NBEA: variants seen among roughly 807,000 people sequenced by gnomAD.
The protein encoded by NBEA is neurobeachin, also known as lysosomal-trafficking regulator 2.
In NBEA, 44 loss-of-function variants were observed where a neutral mutation model predicts 343.4. The observed-to-expected ratio is 0.13, with a 90% confidence interval of 0.10 to 0.16. The LOEUF (loss-of-function observed/expected upper bound fraction) is 0.16. Ranked by LOEUF, NBEA falls within the 10% of genes least tolerant of loss-of-function variation. The pLI, the probability that NBEA is intolerant of heterozygous loss-of-function variation, is 1.00. For synonymous variants in NBEA, 1,175 were observed against 1,238.7 expected, an observed-to-expected ratio of 0.95 and a Z score of 1.08; for missense variants, 2,555 against 3,631.3, an observed-to-expected ratio of 0.70 and a Z score of 7.62.
chr13:35,577,310 C>G (rs1190051698), intron 45 of NBEA, among the ~76,000 whole-genome samples: 2 of 152,138 alleles, frequency 1.3e-5, no homozygotes, highest in African/African-American at 2.4e-5. Flanking sequence ...AGCTCACCTG[C>G]ACCAGGTAGA....
At chr13:35,105,078 T>C (rs1012711749) in intron 11 of NBEA, among the ~76,000 whole-genome samples, 6 of 151,890 alleles carry the variant, frequency 4.0e-5, no homozygotes, top group African/African-American at 1.5e-4. Flanking sequence ...GGGAAATAAG[T>C]GTTTAGCATA....
At chr13:35,466,054 A>T (rs1323939822) in intron 40 of NBEA, among the ~76,000 whole-genome samples, 1 of 152,178 alleles carries the variant, frequency 6.6e-6, no homozygotes, top group Non-Finnish European at 1.5e-5. Flanking sequence ...TCAGTTGCTC[A>T]TATAAGAGGG....
chr13:35,465,845 T>A (rs1416751461), intron 40 of NBEA, among the ~76,000 whole-genome samples: 1 of 151,864 alleles, frequency 6.6e-6, no homozygotes, highest in Non-Finnish European at 1.5e-5. Flanking sequence ...TCTTTTTTGG[T>A]TCCTTGTAAC....
chr13:35,563,775 A>C (rs2079998940), intron 44 of NBEA, among the ~76,000 whole-genome samples: 1 of 152,022 alleles, frequency 6.6e-6, no homozygotes, highest in South Asian at 2.1e-4. Flanking sequence ...AGAATAATAG[A>C]CATGAAATAT....
intron 38 of NBEA, among the ~76,000 whole-genome samples, chr13:35,361,335 G>T (rs2040795204): frequency 6.6e-6 from 1 of 152,044 alleles, no homozygotes; most frequent in South Asian, 2.1e-4. Context: ...ACCTCTTTCA[G>T]ATAGAAGGGG....
At chr13:35,154,340 T>C (rs1427154979) in intron 18 of NBEA, among the ~76,000 whole-genome samples, 1 of 152,216 alleles carries the variant, frequency 6.6e-6, no homozygotes, top group Non-Finnish European at 1.5e-5. Context: ...CTATGTTCAA[T>C]TGTCCTTTCA....
chr13:35,524,410 C>G (rs2077870082), intron 41 of NBEA, among the ~76,000 whole-genome samples: 1 of 152,194 alleles, frequency 6.6e-6, no homozygotes, highest in Non-Finnish European at 1.5e-5. Flanking sequence ...ATCTGTTTTT[C>G]ACTTTCTCCC....
At chr13:34,997,349 G>A (rs2060975008) in intron 1 of NBEA, among the ~76,000 whole-genome samples, 1 of 152,196 alleles carries the variant, frequency 6.6e-6, no homozygotes, top group Non-Finnish European at 1.5e-5. Flanking sequence ...AATTCGAATA[G>A]ATGGTTTGTA....
intron 30 of NBEA, among the ~76,000 whole-genome samples, chr13:35,186,849 G>A (rs114806502): frequency 0.015 from 2,205 of 151,998 alleles, 51 homozygotes; most frequent in African/African-American, 0.051. Context: ...GTTCACTTTC[G>A]GTGAACAACA....
chr13:35,115,883 A>G (rs2066468722), intron 13 of NBEA, among the ~76,000 whole-genome samples: 1 of 152,214 alleles, frequency 6.6e-6, no homozygotes, highest in African/African-American at 2.4e-5. Context: ...TACCCTAACA[A>G]TAAAGAAGAA....
At chr13:35,058,060 G>C (rs982083011) in intron 7 of NBEA, among the ~76,000 whole-genome samples, 1 of 152,058 alleles carries the variant, frequency 6.6e-6, no homozygotes, top group Non-Finnish European at 1.5e-5. Flanking sequence ...TTGGGTGGGC[G>C]GGGTGTAAGA....
At chr13:35,668,958 C>A (rs1045710674) in intron 58 of NBEA, among the ~76,000 whole-genome samples, 3 of 152,234 alleles carry the variant, frequency 2.0e-5, no homozygotes, top group African/African-American at 7.2e-5. Flanking sequence ...GCTGGCCCCC[C>A]TTTCAACAGC....
intron 34 of NBEA, among the ~76,000 whole-genome samples, chr13:35,257,897 A>G (rs1278611634): frequency 6.6e-6 from 1 of 152,178 alleles, no homozygotes; most frequent in Non-Finnish European, 1.5e-5. Context: ...GTTTTTTCAC[A>G]ATCTAAAATG....
chr13:35,668,035 A>G (rs1263541737), intron 57 of NBEA, among the ~76,000 whole-genome samples: 3 of 152,210 alleles, frequency 2.0e-5, no homozygotes, highest in African/African-American at 4.8e-5. Flanking sequence ...AATTCTCTAT[A>G]ATATTAATAT....
chr13:35,510,275 T>C (rs1289099417), intron 41 of NBEA, among the ~76,000 whole-genome samples: 2 of 152,156 alleles, frequency 1.3e-5, no homozygotes, highest in Non-Finnish European at 2.9e-5. Context: ...TATTCACAAC[T>C]TAAATAAGTT....
At chr13:35,023,103 A>G (rs1364081409) in intron 1 of NBEA, among the ~76,000 whole-genome samples, 1 of 152,128 alleles carries the variant, frequency 6.6e-6, no homozygotes, top group Non-Finnish European at 1.5e-5. Flanking sequence ...AAAGGAGATA[A>G]TGAAGACAAA....
At chr13:35,248,309 AATTGATCAATGTAATAC>A (rs1335020440) in intron 34 of NBEA, among the ~76,000 whole-genome samples, 2 of 152,226 alleles carry the variant, frequency 1.3e-5, no homozygotes, top group African/African-American at 4.8e-5. Context: ...AGCATATAAA[AATTGATCAATGTAATAC>A]ATCACACAGA....
chr13:35,445,790 A>ATATATATATATATATATATG (rs1566144455), intron 39 of NBEA, among the ~76,000 whole-genome samples: 7 of 69,924 alleles, frequency 1.0e-4, no homozygotes, highest in Non-Finnish European at 1.7e-4. Flanking sequence ...GTTTATATAT[A>ATATATATATATATATATATG]TATATATATA....
intron 1 of NBEA, among the ~76,000 whole-genome samples, chr13:35,026,034 A>C (rs2062009470): frequency 2.6e-5 from 4 of 152,070 alleles, no homozygotes; most frequent in Admixed American, 2.0e-4. Context: ...GAATTGTAAT[A>C]ATCTCCACAT....
Sources: allele counts gnomAD v4.1 joint callset (sites outside exome capture counted in the v4.1 genomes callset), GRCh38; gene constraint gnomAD v4.1.1; transcripts MANE v1.5; gene names NCBI Gene and HGNC (gene_info 2026-07-23, HGNC 2026-07-21).